OTUD5: variants seen among roughly 807,000 people sequenced by gnomAD.
OTUD5 encodes the protein OTU domain-containing protein 5.
A neutral mutation model predicts 36.3 loss-of-function variants in OTUD5; 2 were observed. That is an observed-to-expected ratio of 0.06 (90% CI 0.02 to 0.17). The LOEUF (loss-of-function observed/expected upper bound fraction) is 0.17. OTUD5 is among the 10% of genes least tolerant of loss of function. The probability of loss-of-function intolerance (pLI) is 1.00; values close to 1 mark genes in which losing one functional copy is unlikely to be tolerated. For missense variants in OTUD5, 233 were observed against 512.3 expected, an observed-to-expected ratio of 0.45 and a Z score of 5.26; for synonymous variants, 234 against 214.9, an observed-to-expected ratio of 1.09 and a Z score of -0.78.
chrX:48,957,941 G>A, upstream of OTUD5: 1 of 488,615 alleles, frequency 2.0e-6, no homozygotes, highest in Non-Finnish European at 2.5e-6. Context: ...GCAGGTTCTT[G>A]CACTACCGGG....
Position 48,925,450 on chromosome X carries a change from C to G in OTUD5, c.1263+397G>C, listed in dbSNP as rs115304257. ...AACCGGAGCCCCCACCTCCACTGAT[C>G]TCCCAGTCAGGGTCAAGGACCCCAC... is the stretch of plus-strand genomic sequence containing the variant. On this transcript the variant is annotated intron_variant, in intron 6 of 8. Coordinates refer to ENST00000376488, the MANE Select transcript of OTUD5 (RefSeq NM_001136157.2). 2.8e-3 allele frequency among the ~76,000 whole-genome samples: 314 copies of G among 110,986 alleles called. 3 individuals carry two copies. Among genetic ancestry groups the G allele is most frequent in the African/African-American group, 9.4e-3 (287 of 30,502 alleles).
intron 5 of OTUD5, among the ~76,000 whole-genome samples, chrX:48,932,967 G>A (rs1395490101): frequency 9.1e-6 from 1 of 109,969 alleles, no homozygotes; most frequent in South Asian, 3.8e-4. Context: ...GCCTGGGTGA[G>A]AGAGTGAGAC....
intron 5 of OTUD5, among the ~76,000 whole-genome samples, chrX:48,927,311 C>T (rs2063682651): frequency 1.8e-5 from 2 of 110,931 alleles, no homozygotes; most frequent in Non-Finnish European, 3.8e-5. Flanking sequence ...AAGCAGCGGA[C>T]ACCTGGTGTC....
intron 1 of OTUD5, among the ~76,000 whole-genome samples, chrX:48,945,468 C>T (rs782475390): frequency 1.8e-5 from 2 of 108,760 alleles, no homozygotes; most frequent in East Asian, 5.8e-4. Context: ...GACGGGGTTT[C>T]ACCATGTTAG....
At chrX:48,945,035 A>AC (rs1888039141) in intron 1 of OTUD5, among the ~76,000 whole-genome samples, 2 of 109,724 alleles carry the variant, frequency 1.8e-5, no homozygotes, top group South Asian at 7.7e-4. Flanking sequence ...AAAAAAAAAA[A>AC]AAGAGATATA....
intron 1 of OTUD5, among the ~76,000 whole-genome samples, chrX:48,947,592 A>G (rs1467919685): frequency 6.5e-5 from 7 of 108,315 alleles, no homozygotes; most frequent in Non-Finnish European, 1.1e-4. Flanking sequence ...AATCCCAGCT[A>G]CTCGGGAGGC....
At chrX:48,947,966 C>G (rs782343039) in intron 1 of OTUD5, among the ~76,000 whole-genome samples, 1 of 112,198 alleles carries the variant, frequency 8.9e-6, no homozygotes, top group Non-Finnish European at 1.9e-5. Flanking sequence ...TAACTGAATA[C>G]CTGCCCCATG....
chrX:48,957,069 G>A lies in OTUD5; in HGVS notation c.502C>T (p.Arg168Cys), dbSNP rs782447642. The change falls in exon 1 of 9, where the codon CGT becomes TGT. Residue 168 changes from arginine (R) to cysteine (C), a missense_variant. Transcript: ENST00000376488. Reference protein sequence around the residue: ...VGAVGGGSPEREEVGAGYNSE... With the variant: ...VGAVGGGSPECEEVGAGYNSE... ...TTGTAGCCTGCGCCGACCTCCTCAC[G>A]CTCGGGACTGCCCCCGCCAACCGCG... 5.1e-6 allele frequency: 6 copies of A among 1,184,189 alleles called. No individual in the cohort carries two copies.
intron 6 of OTUD5, 79 bp downstream of exon 6, chrX:48,925,767 AT>A: frequency 9.2e-6 from 8 of 865,487 alleles, no homozygotes; most frequent in African/African-American, 2.0e-5. Context: ...AAACTGCTTA[AT>A]TTTTTTCTGC....
At chrX:48,951,541 G>C (rs782070924) in intron 1 of OTUD5, among the ~76,000 whole-genome samples, 2 of 111,297 alleles carry the variant, frequency 1.8e-5, no homozygotes, top group African/African-American at 6.5e-5. Flanking sequence ...TGTGAACCTG[G>C]GAGGTGGAGG....
chrX:48,943,152 C>A (rs190512101), intron 2 of OTUD5, among the ~76,000 whole-genome samples: 2 of 111,693 alleles, frequency 1.8e-5, no homozygotes, highest in East Asian at 2.8e-4. Context: ...CAGCTCAAAG[C>A]TCCTATCAGA....
intron 1 of OTUD5, 23 bp downstream of exon 1, chrX:48,956,954 A>G: frequency 9.0e-7 from 1 of 1,115,940 alleles, no homozygotes; most frequent in Non-Finnish European, 1.2e-6. Context: ...GTGGCCGCTC[A>G]CCCCTCACCC....
Position 48,957,256 on chromosome X carries a change from G to A in OTUD5, c.315C>T (p.Gly105=). 2 of 1,100,048 alleles carry A rather than the reference G, an allele frequency of 1.8e-6. No individual in the cohort carries two copies. Among genetic ancestry groups the A allele is most frequent in the Non-Finnish European group, 2.4e-6 (2 of 850,044 alleles). The allele number at this position is 1,100,048 out of a possible 1,213,427, so 90.7% of individuals were successfully genotyped here. A position where few individuals can be genotyped will look rare whatever the true frequency, so the allele number is the denominator to read the frequency against. Residue 105 remains glycine, a synonymous_variant, in exon 1 of 9, where the codon GGC becomes GGT. Transcript: ENST00000376488. ...PQQASPPPCG[G]PGGPGGGPGD... is the part of the protein sequence containing the mutation. The stretch of plus-strand genomic sequence containing the variant: ...CGGGACCGCCGCCGGGACCACCTGG[G>A]CCCCCGCAAGGAGGTGGAGAAGCCT...
At chrX:48,939,150 G>C (rs1321943692) in intron 2 of OTUD5, among the ~76,000 whole-genome samples, 1 of 111,420 alleles carries the variant, frequency 9.0e-6, no homozygotes, top group African/African-American at 3.3e-5. Context: ...ACAGATTTAG[G>C]GGGAGTGAAG....
chrX:48,942,926 T>C (rs2063958597), intron 2 of OTUD5, among the ~76,000 whole-genome samples: 1 of 110,644 alleles, frequency 9.0e-6, no homozygotes, highest in South Asian at 3.8e-4. Flanking sequence ...CCTAAGGTCA[T>C]ACCAAGAATC....
At position 48,922,616 on chromosome X, in the gene OTUD5, T is replaced by C; in HGVS notation, c.*558A>G. The C allele has an allele frequency of 2.7e-6, 2 of 752,267 alleles. No individual in the cohort carries two copies. Among genetic ancestry groups the C allele is most frequent in the Non-Finnish European group, 3.1e-6 (2 of 636,756 alleles). 62.0% of individuals were successfully genotyped at this position (752,267 alleles called of 1,213,427 possible). ...CACAGAGCCAGTGCTGTCGTCTATA[T>C]CATTTTTGATTAGTTGATTTTATAA... On this transcript the variant is annotated 3_prime_UTR_variant, in exon 9 of 9. Transcript: ENST00000376488.
chrX:48,946,640 A>C (rs2064034926), intron 1 of OTUD5, among the ~76,000 whole-genome samples: 1 of 112,032 alleles, frequency 8.9e-6, no homozygotes, highest in Non-Finnish European at 1.9e-5. Flanking sequence ...CCTTGCCCCC[A>C]AGCCTGTGGA....
chrX:48,934,186 C>T (rs2063797744), intron 5 of OTUD5, among the ~76,000 whole-genome samples: 1 of 111,715 alleles, frequency 9.0e-6, no homozygotes, highest in Admixed American at 9.5e-5. Flanking sequence ...CAAGCCCTGG[C>T]TCACTGCTCC....
chrX:48,924,106 G>A (rs900479247), intron 6 of OTUD5, 54 bp from the exon 7 acceptor site: 4 of 1,082,470 alleles, frequency 3.7e-6, no homozygotes, highest in South Asian at 2.0e-5. Flanking sequence ...TGACCTTCTT[G>A]TGACCCATCC....
Sources: gnomAD v4.1 joint callset for allele counts (sites outside exome capture counted in the v4.1 genomes callset) on GRCh38, gnomAD v4.1.1 for gene constraint, MANE v1.5 for transcripts, NCBI Gene and HGNC (gene_info 2026-07-23, HGNC 2026-07-21) for gene names.